ANXA10: variants seen among roughly 807,000 people sequenced by gnomAD.
ANXA10 encodes annexin 14.
Under a neutral mutation model 53.5 loss-of-function variants are expected in ANXA10, and 49 were observed. The ratio of observed to expected loss-of-function variants is 0.92; its 90% confidence interval spans 0.73 to 1.16. ANXA10 has a LOEUF of 1.16. Among genes scored for constraint, ANXA10 ranks in the 50% most tolerant of loss-of-function variants. ANXA10 has a pLI of 0.00. For missense variants in ANXA10, 393 were observed against 394.4 expected (o/e 1.00, Z 0.03); for synonymous variants, 131 against 128.9 (o/e 1.02, Z -0.11).
intron 1 of ANXA10, among the ~76,000 whole-genome samples, chr4:168,116,068 T>G (rs1366552517): frequency 1.3e-5 from 2 of 151,850 alleles, no homozygotes; most frequent in Non-Finnish European, 2.9e-5. Context: ...AGTTTAAAAT[T>G]TAGAGATAAA....
rs566148067 is a variant in ANXA10 at position 168,130,186 on chromosome 4, T to C, written c.100+2021T>C. Among the ~76,000 whole-genome samples, 4 of 152,236 alleles carry C rather than the reference T, an allele frequency of 2.6e-5. No homozygotes were observed. In the South Asian group the frequency reaches 6.2e-4, roughly 24 times the overall value. On this transcript the variant is annotated intron_variant, in intron 2 of 11. Coordinates refer to ENST00000359299, the MANE Select transcript of ANXA10 (RefSeq NM_007193.5). ...TAACAGTTTTTAACTTGAATAGGTA[T>C]TGGATTTTGTCAAGTGATTTTTCTT... is the stretch of plus-strand genomic sequence containing the variant.
At chr4:168,142,517 G>A (rs2149472656) in intron 3 of ANXA10, among the ~76,000 whole-genome samples, 1 of 152,218 alleles carries the variant, frequency 6.6e-6, no homozygotes, top group South Asian at 2.1e-4. Flanking sequence ...CCACCAGATC[G>A]AGTGGAACAG....
intron 6 of ANXA10, among the ~76,000 whole-genome samples, chr4:168,166,497 A>G (rs2251422): frequency 0.62 from 94,496 of 151,976 alleles, 30,144 homozygotes; most frequent in African/African-American, 0.76. Flanking sequence ...ATCCTATTTA[A>G]CAAAGGCACT....
intron 1 of ANXA10, among the ~76,000 whole-genome samples, chr4:168,103,071 C>T (rs542337294): frequency 1.3e-5 from 2 of 151,864 alleles, no homozygotes; most frequent in Admixed American, 6.6e-5. Flanking sequence ...CTGGATTAAA[C>T]GTTTTATGAA....
chr4:168,120,838 C>T (rs2149468324), intron 1 of ANXA10, among the ~76,000 whole-genome samples: 1 of 152,116 alleles, frequency 6.6e-6, no homozygotes, highest in African/African-American at 2.4e-5. Context: ...AAAATCAGTA[C>T]ATTTTTTCAA....
intron 2 of ANXA10, among the ~76,000 whole-genome samples, chr4:168,136,127 G>A (rs1443434234): frequency 6.6e-6 from 1 of 152,006 alleles, no homozygotes; most frequent in Non-Finnish European, 1.5e-5. Flanking sequence ...GGGGAAATCT[G>A]CCCCCATGAT....
intron 2 of ANXA10, among the ~76,000 whole-genome samples, chr4:168,137,448 G>C (rs928619433): frequency 2.0e-5 from 3 of 151,992 alleles, no homozygotes; most frequent in African/African-American, 7.2e-5. Flanking sequence ...TCACTGTTTG[G>C]AGTCTCTAAT....
intron 2 of ANXA10, among the ~76,000 whole-genome samples, chr4:168,129,430 C>G (rs1249937705): frequency 6.6e-6 from 1 of 152,024 alleles, no homozygotes; most frequent in African/African-American, 2.4e-5. Flanking sequence ...TTTCTTTGCT[C>G]CAGTTTCAAT....
At chr4:168,119,949 A>T (rs1730958161) in intron 1 of ANXA10, among the ~76,000 whole-genome samples, 2 of 152,130 alleles carry the variant, frequency 1.3e-5, no homozygotes, top group South Asian at 4.1e-4. Context: ...CTGTATTGCC[A>T]CAGTAAGTTC....
intron 6 of ANXA10, among the ~76,000 whole-genome samples, chr4:168,170,233 T>C (rs1395879988): frequency 6.6e-6 from 1 of 151,966 alleles, no homozygotes; most frequent in Non-Finnish European, 1.5e-5. Flanking sequence ...GAACTATTAC[T>C]TTTTTTTAAA....
intron 4 of ANXA10, among the ~76,000 whole-genome samples, chr4:168,163,780 C>G (rs985680273): frequency 3.9e-5 from 6 of 152,110 alleles, no homozygotes; most frequent in Admixed American, 3.3e-4. Context: ...GAGGCAGGCA[C>G]AGGTCCCTAA....
intron 2 of ANXA10, among the ~76,000 whole-genome samples, chr4:168,134,468 C>T (rs1731202791): frequency 6.6e-6 from 1 of 152,020 alleles, no homozygotes; most frequent in Admixed American, 6.6e-5. Flanking sequence ...ATAATCTCAA[C>T]AGAACAAGAA....
intron 4 of ANXA10, 137 bp downstream of exon 4, chr4:168,162,778 A>C: frequency 1.4e-6 from 1 of 723,348 alleles, no homozygotes; most frequent in South Asian, 1.8e-5. Context: ...TGATGTAACA[A>C]TGGAAATGTT....
intron 11 of ANXA10, among the ~76,000 whole-genome samples, chr4:168,186,865 A>T (rs1441902428): frequency 2.6e-5 from 4 of 152,082 alleles, no homozygotes; most frequent in Non-Finnish European, 5.9e-5. Flanking sequence ...TTTCACTATT[A>T]TACATAATAT....
At chr4:168,125,933 A>G (rs529172301) in intron 1 of ANXA10, among the ~76,000 whole-genome samples, 96 of 152,318 alleles carry the variant, frequency 6.3e-4, no homozygotes, top group Non-Finnish European at 1.1e-3. Flanking sequence ...CCTTGTGGTA[A>G]GAATTTAAAT....
intron 1 of ANXA10, among the ~76,000 whole-genome samples, chr4:168,096,171 G>A (rs968253713): frequency 1.2e-4 from 19 of 152,174 alleles, no homozygotes; most frequent in African/African-American, 4.3e-4. Flanking sequence ...AGAGGCTGTT[G>A]ATAAGGCAAG....
chr4:168,186,345 CT>C (rs1732369781), intron 11 of ANXA10, among the ~76,000 whole-genome samples: 1 of 152,102 alleles, frequency 6.6e-6, no homozygotes, highest in Non-Finnish European at 1.5e-5. Context: ...CATTAATAAA[CT>C]TTTATTCTGC....
At chr4:168,168,982 C>G (rs1335947896) in intron 6 of ANXA10, among the ~76,000 whole-genome samples, 1 of 152,134 alleles carries the variant, frequency 6.6e-6, no homozygotes, top group Non-Finnish European at 1.5e-5. Context: ...TGTCACCACT[C>G]TCAGTAAATC....
chr4:168,184,800 GA>G (rs1201909342), intron 11 of ANXA10, 119 bp downstream of exon 11: 3 of 1,351,802 alleles, frequency 2.2e-6, no homozygotes, highest in Admixed American at 4.3e-5. Context: ...TTCAGACAGG[GA>G]TAACCTAGTT....
Sources: gnomAD v4.1 joint callset for allele counts (sites outside exome capture counted in the v4.1 genomes callset) on GRCh38, gnomAD v4.1.1 for gene constraint, MANE v1.5 for transcripts, NCBI Gene and HGNC (gene_info 2026-07-23, HGNC 2026-07-21) for gene names.